The following SNTG1 variants were observed in gnomAD, a reference collection of about 807,000 sequenced individuals.
SNTG1 encodes the protein syntrophin gamma 1.
In SNTG1, 39 loss-of-function variants were observed where a neutral mutation model predicts 74.7. The ratio of observed to expected loss-of-function variants is 0.52; its 90% confidence interval spans 0.40 to 0.68. The LOEUF (loss-of-function observed/expected upper bound fraction) is 0.68, where lower values mean the gene tolerates loss of function less well. Ranked by LOEUF, SNTG1 falls within the 30% of genes least tolerant of loss-of-function variation. The pLI, the probability that SNTG1 is intolerant of heterozygous loss-of-function variation, is 0.00. For missense variants in SNTG1, 685 were observed against 609.5 expected (o/e 1.12, Z -1.30); for synonymous variants, 254 against 217.1 (o/e 1.17, Z -1.49).
At chr8:50,542,466 C>T (rs2094355688) in intron 11 of SNTG1, among the ~76,000 whole-genome samples, 2 of 152,090 alleles carry the variant, frequency 1.3e-5, no homozygotes, top group South Asian at 2.1e-4. Flanking sequence ...CAAATGTATA[C>T]TACACTTTCT....
At chr8:50,219,276 G>A (rs1316206340) in intron 2 of SNTG1, among the ~76,000 whole-genome samples, 9 of 152,142 alleles carry the variant, frequency 5.9e-5, no homozygotes, top group African/African-American at 9.7e-5. Flanking sequence ...ACCCTTCCTA[G>A]TTATCTGACA....
At chr8:50,004,881 C>T (rs1368803761) in intron 1 of SNTG1, among the ~76,000 whole-genome samples, 1 of 152,126 alleles carries the variant, frequency 6.6e-6, no homozygotes, top group Non-Finnish European at 1.5e-5. Flanking sequence ...AGCACACAAA[C>T]CAAAGCAGAG....
chr8:50,250,845 C>T (rs1004485942), intron 2 of SNTG1, among the ~76,000 whole-genome samples: 2 of 151,772 alleles, frequency 1.3e-5, no homozygotes, highest in African/African-American at 4.8e-5. Flanking sequence ...ATTAGAAATG[C>T]TAAAAAAGGA....
chr8:50,761,683 T>G (rs369712361), intron 18 of SNTG1, among the ~76,000 whole-genome samples: 2 of 151,998 alleles, frequency 1.3e-5, no homozygotes. Context: ...CTTGTGTATA[T>G]CTCCTCTACT....
chr8:49,996,936 A>G (rs1017355924), intron 1 of SNTG1, among the ~76,000 whole-genome samples: 3 of 152,196 alleles, frequency 2.0e-5, no homozygotes, highest in Non-Finnish European at 4.4e-5. Context: ...TTGAGGTCCA[A>G]TAGTAAGACG....
intron 9 of SNTG1, among the ~76,000 whole-genome samples, chr8:50,514,693 T>C (rs1052419349): frequency 3.3e-5 from 5 of 152,182 alleles, no homozygotes; most frequent in African/African-American, 1.2e-4. Context: ...AAGAAGAATG[T>C]ATATTTTATT....
intron 1 of SNTG1, among the ~76,000 whole-genome samples, chr8:49,979,207 C>A (rs560613593): frequency 2.0e-5 from 3 of 152,340 alleles, no homozygotes; most frequent in Admixed American, 6.5e-5. Context: ...GAGACGCAGA[C>A]GCCTTTGGGG....
chr8:50,011,625 TA>T (rs34138423), intron 1 of SNTG1, among the ~76,000 whole-genome samples: 95,448 of 148,982 alleles, frequency 0.64, 33,920 homozygotes, highest in East Asian at 0.83. Context: ...AAGGTGAAAT[TA>T]AAAAAAAAAA....
At chr8:50,709,544 AC>A (rs2095455735) in intron 17 of SNTG1, among the ~76,000 whole-genome samples, 1 of 152,208 alleles carries the variant, frequency 6.6e-6, no homozygotes, top group Admixed American at 6.5e-5. Flanking sequence ...GGAGTGATGC[AC>A]ATTGAATGAC....
intron 5 of SNTG1, among the ~76,000 whole-genome samples, chr8:50,439,718 T>A (rs2093340661): frequency 7.0e-6 from 1 of 143,178 alleles, no homozygotes; most frequent in Non-Finnish European, 1.6e-5. Flanking sequence ...TTGTTTTGCT[T>A]TTTTTTTTTT....
Position 50,771,363 on chromosome 8 carries a change from T to C in SNTG1, c.1395+19252T>C, listed in dbSNP as rs570822007. ...TGACTGCATTATGTCGATGCCCTAG[T>C]ATTTTGTGGAAGGTCAAACTTAAGA... is the stretch of plus-strand genomic sequence containing the variant. On this transcript the variant is annotated intron_variant, in intron 18 of 18. Transcript: ENST00000642720. 4.6e-5 allele frequency among the ~76,000 whole-genome samples: 7 copies of C among 152,226 alleles called. No individual in the cohort carries two copies. The South Asian group carries it at 1.2e-3, about 27-fold the overall frequency.
chr8:49,956,540 G>T (rs1810189186), intron 1 of SNTG1, among the ~76,000 whole-genome samples: 1 of 152,184 alleles, frequency 6.6e-6, no homozygotes. Flanking sequence ...CCAGACACAG[G>T]TTTGTCTCCA....
intron 12 of SNTG1, among the ~76,000 whole-genome samples, chr8:50,570,247 T>TA (rs71235306): frequency 0.043 from 1,597 of 37,154 alleles, 61 homozygotes; most frequent in East Asian, 0.13. Flanking sequence ...TTTTATTTTA[T>TA]TTTATTTTAT....
chr8:50,151,346 T>G (rs2082061796), intron 1 of SNTG1, among the ~76,000 whole-genome samples: 1 of 152,178 alleles, frequency 6.6e-6, no homozygotes, highest in Non-Finnish European at 1.5e-5. Context: ...ATTTTGTTGA[T>G]CTTTTCAAAA....
At chr8:50,403,997 A>C (rs1191197663) in intron 4 of SNTG1, among the ~76,000 whole-genome samples, 2 of 152,204 alleles carry the variant, frequency 1.3e-5, no homozygotes, top group Non-Finnish European at 2.9e-5. Flanking sequence ...AGGAAGAGGC[A>C]AAATGGCTTT....
At position 50,402,361 on chromosome 8, in the gene SNTG1, T is replaced by C. The variant is rs1471594156; in HGVS notation, c.162+17T>C. On this transcript the variant is annotated intron_variant, in intron 4 of 18. Coordinates refer to ENST00000642720, the MANE Select transcript of SNTG1 (RefSeq NM_018967.5). ...TATTCTGGTGTAAGTAGCTTTTTCT[T>C]CTGTTGAAATTTTTTGTGTTTGTTT... is the stretch of plus-strand genomic sequence containing the variant. 2 of 1,566,918 alleles carry C rather than the reference T, an allele frequency of 1.3e-6. No homozygotes were observed. The highest frequency in any genetic ancestry group is 8.6e-7 in the Non-Finnish European group (1 of 1,163,350).
rs569840693 is a variant in SNTG1 at position 50,064,729 on chromosome 8, C to T, written c.-102-107832C>T. Among the ~76,000 whole-genome samples, 4 of 152,196 alleles carry T rather than the reference C, an allele frequency of 2.6e-5. No individual in the cohort carries two copies. The South Asian group carries it at 8.3e-4, about 32-fold the overall frequency. On this transcript the variant is annotated intron_variant, in intron 1 of 18. Transcript: ENST00000642720. Reference sequence around the variant, plus strand: ...AGGGCCACTGCTTGCTCTGTTTTTTCTGCCTACGGGCTCTGACCGGACGTT... The same window carrying T: ...AGGGCCACTGCTTGCTCTGTTTTTTTTGCCTACGGGCTCTGACCGGACGTT...
intron 1 of SNTG1, among the ~76,000 whole-genome samples, chr8:50,046,820 G>A (rs1819129080): frequency 6.6e-6 from 1 of 152,074 alleles, no homozygotes; most frequent in South Asian, 2.1e-4. Flanking sequence ...TTATGTCTTA[G>A]CCTCCTTTAC....
chr8:49,923,335 T>C (rs1194881484), intron 1 of SNTG1, among the ~76,000 whole-genome samples: 2 of 152,136 alleles, frequency 1.3e-5, no homozygotes, highest in Non-Finnish European at 2.9e-5. Context: ...GAGGGGAAAA[T>C]ATGGATAAAA....
Sources: gnomAD v4.1 joint callset for allele counts (sites outside exome capture counted in the v4.1 genomes callset) on GRCh38, gnomAD v4.1.1 for gene constraint, MANE v1.5 for transcripts, NCBI Gene and HGNC (gene_info 2026-07-23, HGNC 2026-07-21) for gene names.